Variants in NEGR1 observed in about 807,000 individuals in gnomAD.
NEGR1 encodes the protein neuronal growth regulator 1.
Under a neutral mutation model 40.9 loss-of-function variants are expected in NEGR1, and 10 were observed. The ratio of observed to expected loss-of-function variants is 0.24; its 90% CI spans 0.15 to 0.42. The LOEUF is 0.42. Among genes scored for constraint, NEGR1 ranks in the 10% least tolerant of loss-of-function variants. The probability of loss-of-function intolerance (pLI) is 1.00; values close to 1 mark genes in which losing one functional copy is unlikely to be tolerated. For missense variants in NEGR1, 352 were observed against 438.9 expected, an observed-to-expected ratio of 0.80 and a Z score of 1.77; for synonymous variants, 185 against 166.8, an observed-to-expected ratio of 1.11 and a Z score of -0.84.
rs975310450 is a variant in NEGR1, at chr1:71,976,695, AT to A, written c.177-41385del. 4.6e-5 allele frequency among the ~76,000 whole-genome samples: 7 copies of A among 152,178 alleles called. No individual in the cohort carries two copies. The South Asian group carries it at 6.2e-4, about 14-fold the overall frequency. On this transcript the variant is annotated intron_variant, in intron 1 of 6. Transcript: ENST00000357731. ...AAATAAAAATAAATTTTATTGTGCA[AT>A]TTTTTTATAACCTCCTTTTGTCTTT...
At chr1:71,803,622 G>T (rs1331290568) in intron 2 of NEGR1, among the ~76,000 whole-genome samples, 1 of 152,062 alleles carries the variant, frequency 6.6e-6, no homozygotes, top group African/African-American at 2.4e-5. Context: ...TATATGCATA[G>T]CTTTTTCCTT....
chr1:71,733,792 T>A (rs1654961229), intron 3 of NEGR1, among the ~76,000 whole-genome samples: 1 of 152,192 alleles, frequency 6.6e-6, no homozygotes, highest in Admixed American at 6.5e-5. Flanking sequence ...TGGTGCAGAA[T>A]TATATATGTC....
intron 1 of NEGR1, among the ~76,000 whole-genome samples, chr1:72,028,848 T>C (rs1646833580): frequency 6.6e-6 from 1 of 152,198 alleles, no homozygotes; most frequent in Non-Finnish European, 1.5e-5. Context: ...ATTTCCCTTA[T>C]TAGACCAAGA....
intron 4 of NEGR1, among the ~76,000 whole-genome samples, chr1:71,697,301 AT>A (rs969375978): frequency 6.6e-6 from 1 of 151,794 alleles, no homozygotes; most frequent in Non-Finnish European, 1.5e-5. Context: ...CAGTATGAAC[AT>A]TTTTTAGATA....
intron 6 of NEGR1, 36 bp from the exon 7 acceptor site, chr1:71,407,606 A>T: frequency 9.3e-6 from 15 of 1,605,536 alleles, no homozygotes; most frequent in Non-Finnish European, 1.3e-5. Flanking sequence ...TCAAAATCTA[A>T]TTTGTGTCTT....
At chr1:71,988,976 G>C (rs1646427699) in intron 1 of NEGR1, among the ~76,000 whole-genome samples, 2 of 145,492 alleles carry the variant, frequency 1.4e-5, no homozygotes, top group African/African-American at 5.3e-5. Flanking sequence ...AGTAGACTTA[G>C]GGAGATACAC....
At chr1:72,138,699 G>C (rs554378140) in intron 1 of NEGR1, among the ~76,000 whole-genome samples, 1 of 151,888 alleles carries the variant, frequency 6.6e-6, no homozygotes, top group Admixed American at 6.6e-5. Context: ...TTTCACTTAG[G>C]AACAAATGTT....
At chr1:71,995,188 G>T (rs1436910751) in intron 1 of NEGR1, among the ~76,000 whole-genome samples, 1 of 152,114 alleles carries the variant, frequency 6.6e-6, no homozygotes, top group Middle Eastern at 3.2e-3. Flanking sequence ...GGATTTGAGA[G>T]CTGGCATTTA....
At chr1:71,951,932 A>G (rs2554407) in intron 1 of NEGR1, among the ~76,000 whole-genome samples, 5,549 of 151,986 alleles carry the variant, frequency 0.037, 339 homozygotes, top group African/African-American at 0.13. Context: ...TTAGGGAGGC[A>G]TTACAAACTA....
At chr1:71,586,852 G>T (rs998692480) in intron 6 of NEGR1, among the ~76,000 whole-genome samples, 20 of 152,196 alleles carry the variant, frequency 1.3e-4, no homozygotes, top group African/African-American at 4.6e-4. Context: ...GGTAGAGAAC[G>T]ACTTGATAGG....
intron 1 of NEGR1, among the ~76,000 whole-genome samples, chr1:72,094,968 A>C (rs1176054983): frequency 6.6e-6 from 1 of 152,186 alleles, no homozygotes; most frequent in Non-Finnish European, 1.5e-5. Context: ...CCTTTTTAAT[A>C]TAGCAAATTC....
At chr1:72,159,745 C>T (rs1467714939) in intron 1 of NEGR1, among the ~76,000 whole-genome samples, 11 of 151,954 alleles carry the variant, frequency 7.2e-5, no homozygotes, top group African/African-American at 2.2e-4. Context: ...TTGGGGGATA[C>T]GATTACTCAT....
intron 4 of NEGR1, among the ~76,000 whole-genome samples, chr1:71,678,967 A>G (rs533154442): frequency 6.6e-6 from 1 of 152,270 alleles, no homozygotes; most frequent in African/African-American, 2.4e-5. Context: ...AGAATGGAAA[A>G]CCACTGAAGA....
chr1:72,222,910 T>C (rs574575679), intron 1 of NEGR1, among the ~76,000 whole-genome samples: 1 of 152,268 alleles, frequency 6.6e-6, no homozygotes, highest in South Asian at 2.1e-4. Context: ...TGAGTGAAGA[T>C]GTCTCTAGAT....
In NEGR1 at chr1:71,928,466, TTATATATACACATATATATG is replaced by T. The variant is rs1425629441; in HGVS notation, c.409+6593_409+6612del. ...TATATATGTATATATACACACATAC[TTATATATACACATATATATG>T]TATATATACACATATGTATACATGT... On this transcript the variant is annotated intron_variant, in intron 2 of 6. Coordinates refer to ENST00000357731, the MANE Select transcript of NEGR1 (RefSeq NM_173808.3). 1.0e-4 allele frequency among the ~76,000 whole-genome samples: 9 copies of T among 86,548 alleles called. 1 individual carries two copies. Among genetic ancestry groups the T allele is most frequent in the East Asian group, 6.5e-4 (1 of 1,538 alleles). The allele number at this position is 86,548 out of a possible 152,430, so 56.8% of individuals were successfully genotyped here.
intron 1 of NEGR1, among the ~76,000 whole-genome samples, chr1:72,130,375 C>A (rs1650198961): frequency 6.6e-6 from 1 of 152,110 alleles, no homozygotes; most frequent in Non-Finnish European, 1.5e-5. Context: ...ATCATTAAAC[C>A]TTTTATAACT....
chr1:72,051,596 T>C (rs1647061768), intron 1 of NEGR1, among the ~76,000 whole-genome samples: 2 of 151,496 alleles, frequency 1.3e-5, no homozygotes, highest in Non-Finnish European at 3.0e-5. Flanking sequence ...TCCTTGAAAG[T>C]GTGAAAAGTT....
chr1:72,097,936 G>T lies in NEGR1; in HGVS notation c.177-162625C>A, dbSNP rs530350696. On this transcript the variant is annotated intron_variant, in intron 1 of 6. Transcript: ENST00000357731. The stretch of plus-strand genomic sequence containing the variant: ...GGTTGATACCCCCATATCTCTTTCT[G>T]TGTGCCCTTTGCATTGGAAATGAAA... 2.8e-4 allele frequency among the ~76,000 whole-genome samples: 42 copies of T among 152,274 alleles called. 1 individual carries two copies. Among genetic ancestry groups the T allele is most frequent in the African/African-American group, 9.6e-4 (40 of 41,552 alleles).
chr1:71,706,581 A>T (rs1653908288), intron 3 of NEGR1, among the ~76,000 whole-genome samples: 2 of 150,520 alleles, frequency 1.3e-5, no homozygotes, highest in African/African-American at 4.9e-5. Flanking sequence ...AAAAAAAAAA[A>T]ATACCCCTTC....
Sources: gnomAD v4.1 joint callset for allele counts (sites outside exome capture counted in the v4.1 genomes callset) on GRCh38, gnomAD v4.1.1 for gene constraint, MANE v1.5 for transcripts, NCBI Gene and HGNC (gene_info 2026-07-23, HGNC 2026-07-21) for gene names.